The following RSAD2 variants were observed in gnomAD, a reference collection of about 807,000 sequenced individuals.
The protein encoded by RSAD2 is S-adenosylmethionine-dependent nucleotide dehydratase RSAD2.
Under a neutral mutation model 37.7 loss-of-function variants are expected in RSAD2, and 38 were observed. That is an observed-to-expected ratio of 1.01 (90% CI 0.78 to 1.32). The LOEUF (loss-of-function observed/expected upper bound fraction) is 1.32, where lower values mean the gene tolerates loss of function less well. Ranked by LOEUF, RSAD2 falls within the 40% of genes most tolerant of loss-of-function variation. The pLI, the probability that RSAD2 is intolerant of heterozygous loss-of-function variation, is 0.00. For synonymous variants in RSAD2, 163 were observed against 157.4 expected (o/e 1.04, Z -0.27); for missense variants, 428 against 437.5 (o/e 0.98, Z 0.19).
At chr2:6,885,935 C>G (rs1663508148) in intron 2 of RSAD2, among the ~76,000 whole-genome samples, 1 of 152,026 alleles carries the variant, frequency 6.6e-6, no homozygotes, top group Admixed American at 6.5e-5. Flanking sequence ...CCAGTTTATG[C>G]TAGATATTTT....
intron 3 of RSAD2, among the ~76,000 whole-genome samples, chr2:6,888,455 T>A (rs1051683882): frequency 6.6e-5 from 10 of 152,200 alleles, no homozygotes; most frequent in Admixed American, 3.9e-4. Flanking sequence ...AGGCTCCAGC[T>A]GGAGGGCTAA....
intron 3 of RSAD2, among the ~76,000 whole-genome samples, chr2:6,888,989 G>A (rs1446698775): frequency 1.3e-5 from 2 of 152,166 alleles, no homozygotes; most frequent in African/African-American, 2.4e-5. Context: ...CCAGCAGCAT[G>A]GGAGGAGAGG....
exon 1 of RSAD2, chr2:6,865,913 A>C: frequency 7.1e-7 from 1 of 1,408,008 alleles, no homozygotes; most frequent in Non-Finnish European, 9.3e-7. Flanking sequence ...GATGTGCGCG[A>C]TAAACGGCCG....
intron 5 of RSAD2, among the ~76,000 whole-genome samples, chr2:6,894,828 A>G (rs1439937858): frequency 6.6e-6 from 1 of 152,256 alleles, no homozygotes; most frequent in Non-Finnish European, 1.5e-5. Flanking sequence ...TTAATAGAGC[A>G]TAAGGGAAAA....
chr2:6,871,574 C>T (rs1663204521), intron 1 of RSAD2, among the ~76,000 whole-genome samples: 1 of 152,224 alleles, frequency 6.6e-6, no homozygotes, highest in South Asian at 2.1e-4. Flanking sequence ...AGATACATTT[C>T]AACTTACTTT....
At position 6,865,940 on chromosome 2, in the gene RSAD2, G is replaced by T. The variant is rs557496822; in HGVS notation, c.37G>T (p.Ala13Ser). ...AAACGGCCGGCGCTCGGGAGCAGAC[G>T]CTTGGCCCCGGGGCCCCAGGTGCGC... is the stretch of plus-strand genomic sequence containing the variant. The change falls in exon 1 of 6, where the codon GCT becomes TCT. Residue 13 changes from alanine (A) to serine (S), a missense_variant. By Grantham distance (99) the Ala-to-Ser change is moderately conservative. Coordinates refer to the RSAD2 transcript ENST00000442639. The T allele has an allele frequency of 1.5e-5, 20 of 1,339,314 alleles. No individual in the cohort carries two copies. The Admixed American group carries it at 5.2e-4, about 35-fold the overall frequency. 83.0% of individuals were successfully genotyped at this position (1,339,314 alleles called of 1,614,324 possible). A position where few individuals can be genotyped will look rare whatever the true frequency, so the allele number is the denominator to read the frequency against.
chr2:6,887,045 C>A lies in RSAD2; in HGVS notation c.619C>A (p.Leu207Met), dbSNP rs1663536084. 9.3e-6 allele frequency: 15 copies of A among 1,613,998 alleles called. No individual in the cohort carries two copies. The highest frequency in any genetic ancestry group is 1.3e-5 in the Non-Finnish European group (15 of 1,179,972). Residue 207 changes from leucine (L) to methionine (M), a missense_variant, in exon 3 of 6, where the codon CTG (leucine) becomes ATG (methionine). Physicochemically the swap from Leu to Met is conservative, Grantham distance 15. Transcript: ENST00000382040. ...GAACCATGTGGAAAACCTTCAAAAGCTGAGGAGGTGGTGTAGGGATTATAG... is the reference window on the plus strand; with the variant it reads ...GAACCATGTGGAAAACCTTCAAAAGATGAGGAGGTGGTGTAGGGATTATAG... ...KKNHVENLQK[L>M]RRWCRDYRVA...
upstream of RSAD2, among the ~76,000 whole-genome samples, chr2:6,874,003 G>A (rs114097742): frequency 3.3e-3 from 498 of 152,314 alleles, 6 homozygotes; most frequent in African/African-American, 0.011. Flanking sequence ...GGTGCAACCT[G>A]GTGGGAAGTG....
chr2:6,886,234 G>A (rs1184149024), intron 2 of RSAD2, among the ~76,000 whole-genome samples: 3 of 152,230 alleles, frequency 2.0e-5, no homozygotes, highest in Non-Finnish European at 4.4e-5. Context: ...AATAAGATAG[G>A]TGGAGTAGAA....
At chr2:6,890,363 C>G (rs375798630) in intron 4 of RSAD2, 38 bp downstream of exon 4, 1 of 1,602,806 alleles carries the variant, frequency 6.2e-7, no homozygotes, top group Non-Finnish European at 8.5e-7. Flanking sequence ...TGTCATCATA[C>G]ATTCAGATTG....
intron 1 of RSAD2, chr2:6,866,132 G>A (rs796105605): frequency 4.6e-6 from 1 of 217,678 alleles, no homozygotes; most frequent in South Asian, 5.1e-5. Flanking sequence ...GTGCATGGAG[G>A]GGGGCGGGGG....
intron 2 of RSAD2, among the ~76,000 whole-genome samples, chr2:6,886,026 T>C (rs1400216485): frequency 6.6e-6 from 1 of 152,226 alleles, no homozygotes; most frequent in African/African-American, 2.4e-5. Context: ...TATTAGAGGA[T>C]AGTTGCTTAA....
At chr2:6,866,000 C>G in exon 1 of RSAD2, 3 of 663,962 alleles carry the variant, frequency 4.5e-6, no homozygotes, top group Non-Finnish European at 6.5e-6. Context: ...CAGGCGCCGG[C>G]TCCCGGGGCT....
rs202112317 is a variant in RSAD2 at position 6,879,674 on chromosome 2, GT to G, written c.346+1539del. 2.7e-3 allele frequency among the ~76,000 whole-genome samples: 400 copies of G among 145,810 alleles called. 1 individual carries two copies. Among genetic ancestry groups the G allele is most frequent in the Middle Eastern group, 7.0e-3 (2 of 284 alleles). On this transcript the variant is annotated intron_variant, in intron 1 of 5. Transcript: ENST00000382040. ...TTTTTAAAATGTACTATTTTGTTCA[GT>G]TTTTTTTTTTAATGTCTGGTTCCTC...
At chr2:6,884,262 C>T (rs1393407894) in intron 2 of RSAD2, among the ~76,000 whole-genome samples, 5 of 152,050 alleles carry the variant, frequency 3.3e-5, no homozygotes, top group South Asian at 2.1e-4. Context: ...TGTGATGGTG[C>T]GGACATGGAC....
At chr2:6,888,125 A>C (rs372541801) in intron 3 of RSAD2, among the ~76,000 whole-genome samples, 22 of 152,360 alleles carry the variant, frequency 1.4e-4, no homozygotes, top group South Asian at 8.3e-4. Context: ...CTTTGCCTGC[A>C]CAAAAAACAG....
chr2:6,865,937 G>A, exon 1 of RSAD2: 1 of 1,359,796 alleles, frequency 7.4e-7, no homozygotes, highest in African/African-American at 1.5e-5. Context: ...CTCGGGAGCA[G>A]ACGCTTGGCC....
chr2:6,874,161 C>G (rs2103236839), upstream of RSAD2, among the ~76,000 whole-genome samples: 1 of 152,220 alleles, frequency 6.6e-6, no homozygotes, highest in South Asian at 2.1e-4. Flanking sequence ...TGCTCCTGCT[C>G]TGGACATGCG....
chr2:6,879,580 C>T (rs984367211), intron 1 of RSAD2, among the ~76,000 whole-genome samples: 2 of 152,168 alleles, frequency 1.3e-5, no homozygotes, highest in African/African-American at 4.8e-5. Flanking sequence ...TGATCCTCTG[C>T]AGCCATAATT....
Sources: gnomAD v4.1 joint callset for allele counts (sites outside exome capture counted in the v4.1 genomes callset) on GRCh38, gnomAD v4.1.1 for gene constraint, MANE v1.5 for transcripts, NCBI Gene and HGNC (gene_info 2026-07-23, HGNC 2026-07-21) for gene names.